Variants in EGFR observed in about 807,000 individuals in gnomAD.
The protein encoded by EGFR is avian erythroblastic leukemia viral (v-erb-b) oncogene homolog.
EGFR carries 58 observed loss-of-function variants against 143.0 expected under a neutral mutation model. The observed-to-expected ratio is 0.41, with a 90% confidence interval of 0.33 to 0.50. The LOEUF (loss-of-function observed/expected upper bound fraction) is 0.50. Ranked by LOEUF, EGFR falls within the 20% of genes least tolerant of loss-of-function variation. EGFR has a pLI of 0.39. For synonymous variants in EGFR, 613 were observed against 594.4 expected, an observed-to-expected ratio of 1.03 and a Z score of -0.45; for missense variants, 1,307 against 1,579.0, an observed-to-expected ratio of 0.83 and a Z score of 2.92.
At chr7:55,111,818 A>G (rs1792509839) in intron 1 of EGFR, among the ~76,000 whole-genome samples, 1 of 152,238 alleles carries the variant, frequency 6.6e-6, no homozygotes, top group Non-Finnish European at 1.5e-5. Context: ...GATGATGCCA[A>G]TTAATGGAGA....
chr7:55,143,316 G>A lies in EGFR; in HGVS notation c.252G>A (p.Glu84=), dbSNP rs1282801317. 1 of 1,614,218 alleles carries A rather than the reference G, an allele frequency of 6.2e-7. No homozygotes were observed. Among genetic ancestry groups the A allele is most frequent in the Non-Finnish European group, 8.5e-7 (1 of 1,180,040 alleles). The change falls in exon 3 of 28, where the codon GAG becomes GAA. Residue 84 remains glutamate (E), a synonymous_variant. Transcript: ENST00000275493. ...YDLSFLKTIQ[E]VAGYVLIALN... The stretch of plus-strand genomic sequence containing the variant: ...TTTTCTCTTCTTAGACCATCCAGGA[G>A]GTGGCTGGTTATGTCCTCATTGCCC...
intron 1 of EGFR, among the ~76,000 whole-genome samples, chr7:55,027,185 G>A (rs186369137): frequency 3.5e-3 from 529 of 152,304 alleles, no homozygotes; most frequent in Non-Finnish European, 4.1e-3. Flanking sequence ...GAGAAAGAGA[G>A]ACACATACAA....
At position 55,185,709 on chromosome 7, in the gene EGFR, C is replaced by T. The variant is rs541129328; in HGVS notation, c.2469+4231C>T. On this transcript the variant is annotated intron_variant, in intron 20 of 27. Coordinates refer to ENST00000275493, the MANE Select transcript of EGFR (RefSeq NM_005228.5). ...CAGCAAACAATATCAGTTTACAGTC[C>T]TGAGGCCAGGCCTGGTGAACAACGC... Among the ~76,000 whole-genome samples the T allele has an allele frequency of 6.6e-5, 10 of 152,284 alleles. No individual in the cohort carries two copies. In the South Asian group the frequency reaches 2.1e-3, roughly 32 times the overall value.
chr7:55,091,422 A>G (rs1312777398), intron 1 of EGFR, among the ~76,000 whole-genome samples: 1 of 152,202 alleles, frequency 6.6e-6, no homozygotes, highest in Admixed American at 6.5e-5. Flanking sequence ...CCAGGGAATG[A>G]GAGGCGAAGC....
intron 1 of EGFR, chr7:55,110,010 A>G (rs1792377231): frequency 1.1e-6 from 1 of 921,684 alleles, no homozygotes; most frequent in Non-Finnish European, 1.3e-6. Context: ...AGATAACAGC[A>G]TAAACACACA....
rs535394619 is a variant in EGFR, at chr7:55,202,846, G to GT, written c.3271+222dup. On this transcript the variant is annotated intron_variant, in intron 27 of 27. Coordinates refer to ENST00000275493, the MANE Select transcript of EGFR (RefSeq NM_005228.5). ...TCTGGTTGTTTGCTGTACCTCTGTT[G>GT]TAAGAATGAATCTGCAAAATTTCTA... is the stretch of plus-strand genomic sequence containing the variant. 1.5e-3 allele frequency: 1,022 copies of GT among 682,684 alleles called. 6 individuals carry two copies. The highest frequency in any genetic ancestry group is 2.2e-3 in the Non-Finnish European group (825 of 373,402). 42.3% of individuals were successfully genotyped at this position (682,684 alleles called of 1,614,324 possible).
At chr7:55,130,100 G>A (rs959403739) in intron 1 of EGFR, among the ~76,000 whole-genome samples, 2 of 152,200 alleles carry the variant, frequency 1.3e-5, no homozygotes, top group Non-Finnish European at 2.9e-5. Context: ...GCTGTATTCA[G>A]AGGAGGTTTA....
intron 1 of EGFR, among the ~76,000 whole-genome samples, chr7:55,104,069 G>T (rs571221314): frequency 6.6e-6 from 1 of 152,304 alleles, no homozygotes; most frequent in South Asian, 2.1e-4. Context: ...TATAAAGGGC[G>T]TGTGCCTGTT....
intron 7 of EGFR, among the ~76,000 whole-genome samples, chr7:55,154,821 G>A (rs1359755221): frequency 6.6e-6 from 1 of 151,934 alleles, no homozygotes; most frequent in Admixed American, 6.5e-5. Flanking sequence ...CTCTAGAAGG[G>A]GAGATTAACT....
chr7:55,050,602 C>A (rs913247427), intron 1 of EGFR, among the ~76,000 whole-genome samples: 11 of 152,108 alleles, frequency 7.2e-5, no homozygotes, highest in Admixed American at 6.5e-4. Flanking sequence ...CAAGTCACTC[C>A]CCAGCTTAAA....
At chr7:55,142,074 G>A (rs1024606905) in intron 1 of EGFR, among the ~76,000 whole-genome samples, 12 of 152,130 alleles carry the variant, frequency 7.9e-5, no homozygotes, top group Non-Finnish European at 1.2e-4. Context: ...TTTCTTTGCT[G>A]TGTCCTTTAG....
At chr7:55,160,066 G>A in intron 11 of EGFR, 73 bp from the exon 12 acceptor site, 1 of 1,542,798 alleles carries the variant, frequency 6.5e-7, no homozygotes, top group Non-Finnish European at 8.9e-7. Context: ...AGGTGGTCTG[G>A]AGAAACAAAG....
intron 4 of EGFR, among the ~76,000 whole-genome samples, chr7:55,147,770 C>G (rs1413848265): frequency 6.6e-6 from 1 of 152,234 alleles, no homozygotes; most frequent in Non-Finnish European, 1.5e-5. Context: ...TAGACAGTAA[C>G]TCTCTGCTCT....
chr7:55,094,913 A>G (rs113646378), intron 1 of EGFR, among the ~76,000 whole-genome samples: 7 of 152,200 alleles, frequency 4.6e-5, no homozygotes, highest in African/African-American at 9.7e-5. Flanking sequence ...GGACCTTGGC[A>G]GTTAGGCCCC....
At chr7:55,175,835 A>C (rs1786568906) in intron 19 of EGFR, among the ~76,000 whole-genome samples, 2 of 152,210 alleles carry the variant, frequency 1.3e-5, no homozygotes, top group African/African-American at 2.4e-5. Context: ...AATTGGAGGA[A>C]ATCTACAGTT....
At chr7:55,106,047 A>C (rs568773266) in intron 1 of EGFR, among the ~76,000 whole-genome samples, 1 of 152,362 alleles carries the variant, frequency 6.6e-6, no homozygotes, top group African/African-American at 2.4e-5. Context: ...TAGGAGTTGT[A>C]TCAGGTAGTG....
intron 1 of EGFR, among the ~76,000 whole-genome samples, chr7:55,122,214 G>A (rs1793249111): frequency 1.3e-5 from 2 of 152,150 alleles, no homozygotes; most frequent in African/African-American, 2.4e-5. Flanking sequence ...CTTGCTCATG[G>A]AGCACTCTAG....
At chr7:55,057,816 G>C (rs1466870281) in intron 1 of EGFR, among the ~76,000 whole-genome samples, 1 of 152,170 alleles carries the variant, frequency 6.6e-6, no homozygotes, top group Non-Finnish European at 1.5e-5. Flanking sequence ...GGAGGCAGAG[G>C]CCTCTCAGGC....
At chr7:55,165,571 C>T in intron 15 of EGFR, 134 bp downstream of exon 15, 1 of 1,242,044 alleles carries the variant, frequency 8.1e-7, no homozygotes, top group East Asian at 2.6e-5. Flanking sequence ...TTTTGGTCCC[C>T]ACAGCCATGC....
Sources: allele counts gnomAD v4.1 joint callset (sites outside exome capture counted in the v4.1 genomes callset), GRCh38; gene constraint gnomAD v4.1.1; transcripts MANE v1.5; gene names NCBI Gene and HGNC (gene_info 2026-07-23, HGNC 2026-07-21).